The following CUEDC1 variants were observed in gnomAD, a reference collection of about 807,000 sequenced individuals.
The protein encoded by CUEDC1 is CUE domain containing 1.
CUEDC1 carries 30 observed loss-of-function variants against 43.7 expected under a neutral mutation model. The ratio of observed to expected loss-of-function variants is 0.69; its 90% CI spans 0.51 to 0.93. The LOEUF (loss-of-function observed/expected upper bound fraction) is 0.93, where lower values mean the gene tolerates loss of function less well. Among genes scored for constraint, CUEDC1 ranks in the 40% least tolerant of loss-of-function variants. CUEDC1 has a pLI of 0.00. For missense variants in CUEDC1, 486 were observed against 549.0 expected (o/e 0.89, Z 1.15); for synonymous variants, 223 against 223.6 (o/e 1.00, Z 0.02).
At chr17:57,923,961 G>A (rs550539441) in intron 1 of CUEDC1, among the ~76,000 whole-genome samples, 114 of 152,228 alleles carry the variant, frequency 7.5e-4, no homozygotes, top group African/African-American at 2.7e-3. Flanking sequence ...ACTAAAGCCT[G>A]TCCAATACTT....
intron 1 of CUEDC1, among the ~76,000 whole-genome samples, chr17:57,925,431 G>A (rs904099183): frequency 3.3e-5 from 5 of 152,060 alleles, no homozygotes; most frequent in Non-Finnish European, 5.9e-5. Flanking sequence ...AAGCCAGTGC[G>A]GTACCCTTCC....
intron 2 of CUEDC1, among the ~76,000 whole-genome samples, chr17:57,882,071 A>C (rs1017341765): frequency 5.3e-5 from 8 of 152,178 alleles, no homozygotes; most frequent in Admixed American, 1.3e-4. Flanking sequence ...TGGGTGATGG[A>C]TGCCTGCCAG....
chr17:57,891,780 G>C (rs1470187696), intron 1 of CUEDC1, among the ~76,000 whole-genome samples: 8 of 152,024 alleles, frequency 5.3e-5, no homozygotes, highest in African/African-American at 1.7e-4. Context: ...CTTCCTTCTG[G>C]TCCCTACTCA....
At chr17:57,908,341 G>A (rs2074549550) in intron 1 of CUEDC1, among the ~76,000 whole-genome samples, 1 of 152,198 alleles carries the variant, frequency 6.6e-6, no homozygotes, top group Non-Finnish European at 1.5e-5. Context: ...ACAGGTGTGA[G>A]CCACCGCGCC....
intron 1 of CUEDC1, among the ~76,000 whole-genome samples, chr17:57,938,104 G>C (rs1304178363): frequency 6.6e-6 from 1 of 152,096 alleles, no homozygotes; most frequent in East Asian, 1.9e-4. Flanking sequence ...ATGGACACAG[G>C]CTGCACACAC....
chr17:57,873,637 G>A lies in CUEDC1; in HGVS notation c.545C>T (p.Pro182Leu), dbSNP rs748549021. 14 of 1,603,860 alleles carry A rather than the reference G, an allele frequency of 8.7e-6. No individual in the cohort carries two copies. Among genetic ancestry groups the A allele is most frequent in the Admixed American group, 3.4e-5 (2 of 58,622 alleles). Residue 182 changes from proline to leucine, a missense_variant, in exon 4 of 11, where the codon CCG becomes CTG. By Grantham distance (98) the Pro-to-Leu change is moderately conservative. Coordinates refer to ENST00000577830, the MANE Select transcript of CUEDC1 (RefSeq NM_001271875.2). The stretch of plus-strand genomic sequence containing the variant: ...GGGCAGGATGCGGAGAAAGTCATCC[G>A]GAAGGTTGCCCAGCAGTGGTGGGTT... The part of the protein sequence containing the change: ...NWNPPLLGNL[P>L]DDFLRILPQQ...
At chr17:57,895,391 G>T (rs146591247) in intron 1 of CUEDC1, among the ~76,000 whole-genome samples, 7 of 152,318 alleles carry the variant, frequency 4.6e-5, no homozygotes, top group Admixed American at 1.3e-4. Context: ...TAAAGGACAG[G>T]GTTGCCCCTG....
chr17:57,864,396 G>A (rs1347317549), intron 10 of CUEDC1, among the ~76,000 whole-genome samples: 1 of 152,190 alleles, frequency 6.6e-6, no homozygotes, highest in East Asian at 1.9e-4. Context: ...AGACTTCGAA[G>A]AGGGTCAAGG....
chr17:57,931,441 T>C (rs1213799154), intron 1 of CUEDC1, among the ~76,000 whole-genome samples: 5 of 152,252 alleles, frequency 3.3e-5, no homozygotes, highest in East Asian at 3.9e-4. Flanking sequence ...GAAGTGGGCA[T>C]AGAGGCACAG....
chr17:57,939,533 G>GC (rs138512794), intron 1 of CUEDC1, among the ~76,000 whole-genome samples: 7,708 of 151,940 alleles, frequency 0.051, 684 homozygotes, highest in African/African-American at 0.17. Context: ...TCCCACCTTG[G>GC]CCCCCCAGAG....
intron 1 of CUEDC1, among the ~76,000 whole-genome samples, chr17:57,927,056 G>T (rs949446530): frequency 6.6e-5 from 10 of 152,196 alleles, no homozygotes; most frequent in Non-Finnish European, 1.3e-4. Flanking sequence ...TTGTAGGGAT[G>T]GCCGGCCCTG....
At chr17:57,939,423 C>T (rs2074894631) in intron 1 of CUEDC1, among the ~76,000 whole-genome samples, 1 of 142,220 alleles carries the variant, frequency 7.0e-6, no homozygotes, top group Non-Finnish European at 1.5e-5. Context: ...CATCACCACG[C>T]CCAGCTAATT....
intron 1 of CUEDC1, among the ~76,000 whole-genome samples, chr17:57,934,951 A>G (rs1036384043): frequency 6.6e-6 from 1 of 151,858 alleles, no homozygotes; most frequent in Non-Finnish European, 1.5e-5. Context: ...CAGGTGATCC[A>G]CCTGCCTCAG....
chr17:57,926,328 C>T (rs2074747042), intron 1 of CUEDC1, among the ~76,000 whole-genome samples: 1 of 152,088 alleles, frequency 6.6e-6, no homozygotes, highest in Non-Finnish European at 1.5e-5. Flanking sequence ...CCACACCAAG[C>T]CAAAAAGGTG....
chr17:57,907,949 C>T (rs1251874545), intron 1 of CUEDC1, among the ~76,000 whole-genome samples: 2 of 152,096 alleles, frequency 1.3e-5, no homozygotes, highest in East Asian at 1.9e-4. Context: ...TGACTTGAGG[C>T]CAAGCCATAA....
rs1205722500 is a variant in CUEDC1 at position 57,900,417 on chromosome 17, C to T, written c.-315-14538G>A. 1.3e-4 allele frequency among the ~76,000 whole-genome samples: 20 copies of T among 152,280 alleles called. No homozygotes were observed. In the South Asian group the frequency reaches 3.7e-3, roughly 28 times the overall value. On this transcript the variant is annotated intron_variant, in intron 1 of 10. Transcript: ENST00000577830. ...TCCCCCAGGGATGGAAGGGTCTGTA[C>T]ACTTTCTTTAGCTACAGAACCAGAA...
intron 1 of CUEDC1, among the ~76,000 whole-genome samples, chr17:57,888,617 C>A (rs2074323065): frequency 6.6e-6 from 1 of 152,274 alleles, no homozygotes; most frequent in Non-Finnish European, 1.5e-5. Context: ...CACGAACCCA[C>A]ACACATCAGA....
intron 1 of CUEDC1, among the ~76,000 whole-genome samples, chr17:57,915,699 C>T (rs376775464): frequency 6.6e-6 from 1 of 152,100 alleles, no homozygotes; most frequent in African/African-American, 2.4e-5. Context: ...GGTAGGACCT[C>T]GGGGACTTAA....
In CUEDC1 at chr17:57,872,681, G is replaced by A; in HGVS notation, c.766C>T (p.Leu256Phe). Residue 256 changes from leucine to phenylalanine, a missense_variant, in exon 5 of 11, where the codon CTC becomes TTC. Leu to Phe is a conservative substitution (Grantham distance 22). Coordinates refer to ENST00000577830, the MANE Select transcript of CUEDC1 (RefSeq NM_001271875.2). ...TGCCCACCTCTCTCCAGAGCGAGGA[G>A]GAAGTCGCGGTTCCGTTGCAGCTCC... Reference protein sequence around the residue: ...MKELQRNRDFLLALERDRLKY... With the variant: ...MKELQRNRDFFLALERDRLKY... The A allele has an allele frequency of 1.2e-6, 2 of 1,614,122 alleles. No homozygotes were observed. Among genetic ancestry groups the A allele is most frequent in the Non-Finnish European group, 1.7e-6 (2 of 1,180,028 alleles).
Sources: gnomAD v4.1 joint callset for allele counts (sites outside exome capture counted in the v4.1 genomes callset) on GRCh38, gnomAD v4.1.1 for gene constraint, MANE v1.5 for transcripts, NCBI Gene and HGNC (gene_info 2026-07-23, HGNC 2026-07-21) for gene names.